IP6K2: variants seen among roughly 807,000 people sequenced by gnomAD.
IP6K2 encodes inositol hexakisphosphate kinase 2.
In IP6K2, 9 loss-of-function variants were observed where a neutral mutation model predicts 43.3. The ratio of observed to expected loss-of-function variants is 0.21; its 90% CI spans 0.13 to 0.36. IP6K2 has a LOEUF of 0.36. Ranked by LOEUF, IP6K2 falls within the 10% of genes least tolerant of loss-of-function variation. The pLI, the probability that IP6K2 is intolerant of heterozygous loss-of-function variation, is 1.00. For missense variants in IP6K2, 332 were observed against 538.4 expected (o/e 0.62, Z 3.79); for synonymous variants, 209 against 202.4 (o/e 1.03, Z -0.28).
At position 48,688,652 on chromosome 3, in the gene IP6K2, C is replaced by T. The variant is rs368740167; in HGVS notation, c.902G>A (p.Arg301His). 13 of 1,614,242 alleles carry T rather than the reference C, an allele frequency of 8.1e-6. No homozygotes were observed. Among genetic ancestry groups the T allele is most frequent in the East Asian group, 2.2e-5 (1 of 44,892 alleles). Residue 301 changes from arginine (R) to histidine (H), a missense_variant, in exon 6 of 6, where the codon CGT (arginine) becomes CAT (histidine). By Grantham distance (29) the Arg-to-His change is conservative. Transcript: ENST00000328631. This position sits in a 1 kb window ranked among gnomAD's most constrained non-coding sequence, Gnocchi z 5.1. ...CTTGAGCACAGGGCCCAGGAGTTCACGGCGCAGGTACCGCCCATTGTGGAA... is the reference window on the plus strand; with the variant it reads ...CTTGAGCACAGGGCCCAGGAGTTCATGGCGCAGGTACCGCCCATTGTGGAA... ...QFFHNGRYLR[R>H]ELLGPVLKKL... is the part of the protein sequence containing the mutation.
chr3:48,694,496 C>T (rs943644054), intron 2 of IP6K2: 1 of 1,545,222 alleles, frequency 6.5e-7, no homozygotes, highest in African/African-American at 1.4e-5. Context: ...CCAACAAAGA[C>T]CCCACCATGC....
At chr3:48,712,223 C>T (rs1252539698) in intron 1 of IP6K2, among the ~76,000 whole-genome samples, 2 of 151,248 alleles carry the variant, frequency 1.3e-5, no homozygotes, top group East Asian at 3.9e-4. Flanking sequence ...AAGCGAGACC[C>T]TGTCTCTACA....
chr3:48,699,941 G>C (rs1474672269), intron 1 of IP6K2, among the ~76,000 whole-genome samples: 1 of 152,144 alleles, frequency 6.6e-6, no homozygotes, highest in Non-Finnish European at 1.5e-5. Context: ...TGTAATCCTA[G>C]CACTTTGGGA....
Position 48,705,318 on chromosome 3 carries a change from A to G in IP6K2, c.-130-9897T>C, listed in dbSNP as rs141045187. ...GTGATCTGCCCGCGTCAGCCTCCCAAAGTGCTGGGATTACAGGCATGAGCC... is the reference window on the plus strand; with the variant it reads ...GTGATCTGCCCGCGTCAGCCTCCCAGAGTGCTGGGATTACAGGCATGAGCC... On this transcript the variant is annotated intron_variant, in intron 1 of 5. Coordinates refer to ENST00000328631, the MANE Select transcript of IP6K2 (RefSeq NM_016291.4). Among the ~76,000 whole-genome samples the G allele has an allele frequency of 8.2e-3, 1,246 of 152,030 alleles. 20 individuals are homozygous for G. Among genetic ancestry groups the G allele is most frequent in the African/African-American group, 0.029 (1,203 of 41,506 alleles).
At chr3:48,698,013 T>C (rs778368006) in intron 1 of IP6K2, among the ~76,000 whole-genome samples, 1 of 152,182 alleles carries the variant, frequency 6.6e-6, no homozygotes, top group Non-Finnish European at 1.5e-5. Context: ...TCTGATTACT[T>C]GGCACTACCT....
At chr3:48,691,572 T>C in intron 3 of IP6K2, 90 bp from the exon 4 acceptor site, 4 of 937,374 alleles carry the variant, frequency 4.3e-6, no homozygotes, top group Non-Finnish European at 4.9e-6. Context: ...TCCCAGCACT[T>C]TGGGAGGCCG....
intron 1 of IP6K2, chr3:48,715,393 G>T (rs764866495): frequency 2.0e-6 from 3 of 1,536,260 alleles, no homozygotes; most frequent in South Asian, 1.2e-5. Context: ...GCTTACAGAA[G>T]GCTCTGGCAT....
rs777829340 is a variant in IP6K2, at chr3:48,689,700, C to T, written c.618G>A (p.Leu206=). Reference sequence around the variant, plus strand: ...CCTCGTAGCGGGAAGTCAGGTTTTCCAGTAAGATAAATTCTGAGTAGTTAA... The same window carrying T: ...CCTCGTAGCGGGAAGTCAGGTTTTCTAGTAAGATAAATTCTGAGTAGTTAA... ...KHRNQYKFIL[L]ENLTSRYEVP... is the part of the protein sequence containing the mutation. The change falls in exon 5 of 6, where the codon CTG becomes CTA. Residue 206 remains leucine, a synonymous_variant. Coordinates refer to ENST00000328631, the MANE Select transcript of IP6K2 (RefSeq NM_016291.4). The T allele has an allele frequency of 6.2e-7, 1 of 1,613,900 alleles. No homozygotes were observed. Among genetic ancestry groups the T allele is most frequent in the Non-Finnish European group, 8.5e-7 (1 of 1,179,836 alleles).
At chr3:48,694,566 T>G in intron 2 of IP6K2, 2 of 1,523,962 alleles carry the variant, frequency 1.3e-6, no homozygotes, top group South Asian at 1.3e-5. Context: ...AATTATCATA[T>G]GTGAATCGAA....
Position 48,688,608 on chromosome 3 carries a change from C to T in IP6K2, c.946G>A (p.Ala316Thr). The change falls in exon 6 of 6, where the codon GCA becomes ACA. Residue 316 changes from alanine to threonine, a missense_variant. Coordinates refer to ENST00000328631, the MANE Select transcript of IP6K2 (RefSeq NM_016291.4). The surrounding 1 kb of genome is among the most constrained non-coding windows in gnomAD (Gnocchi z 5.1). ...TAGGACTCCTGTCGCTCCAACACTGCCTTGAGCTCAGTCAGCTTCTTGAGC... is the reference window on the plus strand; with the variant it reads ...TAGGACTCCTGTCGCTCCAACACTGTCTTGAGCTCAGTCAGCTTCTTGAGC... ...PVLKKLTELKAVLERQESYRF... is the reference protein window; with the variant it reads ...PVLKKLTELKTVLERQESYRF... 1 of 1,614,234 alleles carries T rather than the reference C, an allele frequency of 6.2e-7. No individual in the cohort carries two copies. Among genetic ancestry groups the T allele is most frequent in the Non-Finnish European group, 8.5e-7 (1 of 1,180,048 alleles).
chr3:48,702,716 T>G (rs1242899568), intron 1 of IP6K2, among the ~76,000 whole-genome samples: 2 of 152,196 alleles, frequency 1.3e-5, no homozygotes, highest in Non-Finnish European at 2.9e-5. Context: ...TATCACCGTC[T>G]GACATACTCT....
At chr3:48,708,241 T>C (rs189561186) in intron 1 of IP6K2, 38 of 151,984 alleles carry the variant, frequency 2.5e-4, no homozygotes, top group African/African-American at 8.7e-4. Context: ...CGAGACCCTG[T>C]CTCAAAAAAT....
Position 48,694,144 on chromosome 3 carries a change from G to C in IP6K2, c.202+946C>G, listed in dbSNP as rs1459963940. ...TCTGGGTGCAGAGGAGCCGGGGTGG[G>C]GTATTCAGGCCACACTTCCCTGTGG... On this transcript the variant is annotated intron_variant, in intron 2 of 5. Transcript: ENST00000328631. The C allele has an allele frequency of 2.6e-6, 4 of 1,537,880 alleles. No individual in the cohort carries two copies. In the African/African-American group the frequency reaches 5.5e-5, roughly 21 times the overall value.
intron 1 of IP6K2, among the ~76,000 whole-genome samples, chr3:48,714,613 G>C (rs2080969769): frequency 2.0e-5 from 3 of 152,058 alleles, no homozygotes; most frequent in Admixed American, 1.3e-4. Flanking sequence ...GGCTGGTCTT[G>C]AACTCCTGAC....
At position 48,691,076 on chromosome 3, in the gene IP6K2, C is replaced by T. The variant is rs2077743451; in HGVS notation, c.604+231G>A. 2.0e-5 allele frequency among the ~76,000 whole-genome samples: 3 copies of T among 152,148 alleles called. 1 individual carries two copies. The South Asian group carries it at 6.2e-4, about 32-fold the overall frequency. On this transcript the variant is annotated intron_variant, in intron 4 of 5. Transcript: ENST00000328631. Reference sequence around the variant, plus strand: ...CCCCTTCATGAGGCACCCCTCACCTCCCAGAAACCCATTATACCCCACTCC... The same window carrying T: ...CCCCTTCATGAGGCACCCCTCACCTTCCAGAAACCCATTATACCCCACTCC...
intron 1 of IP6K2, chr3:48,699,372 C>G (rs1333845886): frequency 6.6e-6 from 1 of 151,756 alleles, no homozygotes; most frequent in Admixed American, 6.6e-5. Context: ...GCACTCCAGC[C>G]TGGGCAACAA....
At chr3:48,689,838 C>T in intron 4 of IP6K2, 125 bp from the exon 5 acceptor site, 1 of 710,598 alleles carries the variant, frequency 1.4e-6, no homozygotes, top group East Asian at 2.7e-5. Context: ...CTCCATTAGT[C>T]CTGCCATCCC....
chr3:48,713,428 G>T (rs1219985129), intron 1 of IP6K2, among the ~76,000 whole-genome samples: 3 of 152,224 alleles, frequency 2.0e-5, no homozygotes, highest in Non-Finnish European at 4.4e-5. Context: ...AGCAGGCAAC[G>T]TGGCAGCCTT....
chr3:48,705,083 A>G (rs1167599545), intron 1 of IP6K2, among the ~76,000 whole-genome samples: 1 of 152,140 alleles, frequency 6.6e-6, no homozygotes, highest in Non-Finnish European at 1.5e-5. Context: ...CTGGGTCTAC[A>G]GGCGTCTGCC....
Sources: gnomAD v4.1 joint callset for allele counts (sites outside exome capture counted in the v4.1 genomes callset) on GRCh38, gnomAD v4.1.1 for gene constraint, Gnocchi (gnomAD v3.1) non-coding constraint, MANE v1.5 for transcripts, NCBI Gene and HGNC (gene_info 2026-07-23, HGNC 2026-07-21) for gene names.